Variants in TRPM6 observed in about 807,000 individuals in gnomAD.
The protein encoded by TRPM6 is transient receptor potential cation channel subfamily M member 6.
A neutral mutation model predicts 247.6 loss-of-function variants in TRPM6; 111 were observed. The ratio of observed to expected loss-of-function variants is 0.45; its 90% confidence interval spans 0.38 to 0.52. The LOEUF (loss-of-function observed/expected upper bound fraction) is 0.52. Among genes scored for constraint, TRPM6 ranks in the 20% least tolerant of loss-of-function variants. TRPM6 has a pLI of 0.00. For synonymous variants in TRPM6, 892 were observed against 853.8 expected (o/e 1.04, Z -0.78); for missense variants, 2,126 against 2,421.5 (o/e 0.88, Z 2.56).
At chr9:74,842,023 A>T (rs1381570110) in intron 4 of TRPM6, 143 bp downstream of exon 4, 2 of 858,902 alleles carry the variant, frequency 2.3e-6, no homozygotes, top group Admixed American at 2.2e-5. Flanking sequence ...AGGCAGGAGA[A>T]TCACTTGAAC....
chr9:74,809,122 C>T (rs1474541805), intron 13 of TRPM6, among the ~76,000 whole-genome samples: 3 of 152,068 alleles, frequency 2.0e-5, no homozygotes, highest in Non-Finnish European at 4.4e-5. Flanking sequence ...AGAGATATTG[C>T]GGGTTCAGTT....
At chr9:74,852,427 C>T (rs1830355321) in intron 3 of TRPM6, among the ~76,000 whole-genome samples, 1 of 148,488 alleles carries the variant, frequency 6.7e-6, no homozygotes, top group African/African-American at 2.5e-5. Context: ...GCTCCCTCTC[C>T]CGCTCCCTCT....
chr9:74,788,237 G>A (rs1230519164), intron 20 of TRPM6, among the ~76,000 whole-genome samples: 1 of 151,940 alleles, frequency 6.6e-6, no homozygotes, highest in African/African-American at 2.4e-5. Flanking sequence ...ATAATGCTAG[G>A]CAACAAAAAT....
intron 36 of TRPM6, 66 bp from the exon 37 acceptor site, chr9:74,732,802 T>A: frequency 8.4e-7 from 1 of 1,190,886 alleles, no homozygotes; most frequent in Non-Finnish European, 1.2e-6. Context: ...TTCAAGAAAA[T>A]AATAATTAAA....
chr9:74,816,955 A>G lies in TRPM6; in HGVS notation c.1144T>C (p.Phe382Leu). ...TGCTGCTCTTCAGAGTCAGCATCAA[A>G]TATGGTAATCTACAACAGTGAAAAA... ...CMVHRDCITI[F>L]DADSEEQQDL... Residue 382 changes from phenylalanine (F) to leucine (L), a missense_variant, in exon 10 of 39, where the codon TTT (phenylalanine) becomes CTT (leucine). Coordinates refer to ENST00000360774, the MANE Select transcript of TRPM6 (RefSeq NM_017662.5). 4 of 1,614,022 alleles carry G rather than the reference A, an allele frequency of 2.5e-6. No homozygotes were observed. The highest frequency in any genetic ancestry group is 3.4e-6 in the Non-Finnish European group (4 of 1,179,914).
intron 36 of TRPM6, 138 bp from the exon 37 acceptor site, chr9:74,732,874 T>C: frequency 1.4e-6 from 1 of 731,624 alleles, no homozygotes; most frequent in Non-Finnish European, 2.3e-6. Context: ...CATGAGCCCA[T>C]ACTTCACCAC....
At chr9:74,795,432 G>C (rs1180571998) in intron 18 of TRPM6, among the ~76,000 whole-genome samples, 1 of 152,140 alleles carries the variant, frequency 6.6e-6, no homozygotes, top group Non-Finnish European at 1.5e-5. Context: ...ATTCCTACAA[G>C]TACTCCCAGC....
In TRPM6 at chr9:74,816,675, GTGT is replaced by G. The variant is rs1174261409; in HGVS notation, c.1299_1301del (p.Gln433del). On this transcript the variant is annotated inframe_deletion, in exon 11 of 39. Coordinates refer to ENST00000360774, the MANE Select transcript of TRPM6 (RefSeq NM_017662.5). ...AACTTCATTTTCACTATACCTTCCA[GTGT>G]TGTTCATAAATTAGGATATGTTTCT... is the stretch of plus-strand genomic sequence containing the variant. 1 of 1,612,856 alleles carries G rather than the reference GTGT, an allele frequency of 6.2e-7. No individual in the cohort carries two copies. Among genetic ancestry groups the G allele is most frequent in the Non-Finnish European group, 8.5e-7 (1 of 1,179,092 alleles).
intron 25 of TRPM6, 130 bp downstream of exon 25, chr9:74,771,573 T>C: frequency 1.2e-6 from 1 of 823,364 alleles, no homozygotes; most frequent in Non-Finnish European, 2.0e-6. Context: ...ATATTATATG[T>C]TGTTAAATGT....
chr9:74,730,752 C>T (rs989971851), intron 37 of TRPM6, among the ~76,000 whole-genome samples: 6 of 152,106 alleles, frequency 3.9e-5, no homozygotes, highest in South Asian at 2.1e-4. Flanking sequence ...GTAAGGCATT[C>T]GAAATGTGAG....
chr9:74,757,636 G>A (rs561445928), intron 27 of TRPM6, among the ~76,000 whole-genome samples: 5 of 151,946 alleles, frequency 3.3e-5, no homozygotes, highest in African/African-American at 9.6e-5. Flanking sequence ...CAGGCCAGCC[G>A]GGCATGGTGG....
chr9:74,762,813 C>T lies in TRPM6; in HGVS notation c.3858G>A (p.Leu1286=). The T allele has an allele frequency of 6.2e-7, 1 of 1,614,186 alleles. No homozygotes were observed. The highest frequency in any genetic ancestry group is 8.5e-7 in the Non-Finnish European group (1 of 1,180,044). Residue 1286 remains leucine (L), a synonymous_variant, in exon 26 of 39, where the codon CTG becomes CTA. Transcript: ENST00000360774. ...CTCTTGGGGGATGCCGGCCTCCAGC[C>T]AGGCTCCTCAGCAAAGAAGAGGGCA... The part of the protein sequence containing the change: ...YSMPSSLLRS[L]AGGRHPPRVQ...
intron 17 of TRPM6, among the ~76,000 whole-genome samples, chr9:74,799,732 T>C (rs2118996490): frequency 6.6e-6 from 1 of 152,374 alleles, no homozygotes; most frequent in African/African-American, 2.4e-5. Context: ...CATGTTTGTC[T>C]ATGCTTTTAA....
At chr9:74,856,451 GTGTGTGTGTGTGTGTC>G (rs1382252114) in intron 2 of TRPM6, among the ~76,000 whole-genome samples, 1 of 110,778 alleles carries the variant, frequency 9.0e-6, no homozygotes, top group Non-Finnish European at 1.7e-5. Context: ...AAATATGTGT[GTGTGTGTGTGTGTGTC>G]TGTGTGTGTG....
chr9:74,818,115 C>T lies in TRPM6; in HGVS notation c.1135-1151G>A, dbSNP rs550291405. 1.1e-4 allele frequency among the ~76,000 whole-genome samples: 17 copies of T among 152,170 alleles called. No individual in the cohort carries two copies. The East Asian group carries it at 3.1e-3, about 28-fold the overall frequency. On this transcript the variant is annotated intron_variant, in intron 9 of 38. Coordinates refer to ENST00000360774, the MANE Select transcript of TRPM6 (RefSeq NM_017662.5). ...AAGCCCTTTGCTGCCTTCTCTTGAC[C>T]CTCTTGGTCATTACATTGCTTATTA...
chr9:74,826,972 A>T (rs1217284677), intron 7 of TRPM6: 1 of 152,164 alleles, frequency 6.6e-6, no homozygotes, highest in Non-Finnish European at 1.5e-5. Flanking sequence ...TCCTGACTTC[A>T]GGTGATCCAC....
At chr9:74,884,594 A>T (rs1463444253) in intron 1 of TRPM6, among the ~76,000 whole-genome samples, 1 of 152,136 alleles carries the variant, frequency 6.6e-6, no homozygotes, top group Non-Finnish European at 1.5e-5. Context: ...CAGTTTGATT[A>T]CCTCTGGGTC....
intron 1 of TRPM6, 87 bp downstream of exon 1, chr9:74,887,737 C>T (rs550509163): frequency 1.2e-6 from 2 of 1,613,644 alleles, no homozygotes; most frequent in Non-Finnish European, 1.7e-6. Flanking sequence ...TCCCTGGCCC[C>T]ACCCACTTCT....
At chr9:74,727,899 C>A (rs514209) in intron 38 of TRPM6, among the ~76,000 whole-genome samples, 3 of 151,852 alleles carry the variant, frequency 2.0e-5, no homozygotes, top group Admixed American at 6.6e-5. Context: ...TGTGGCCATC[C>A]GCAGCTGGCA....
Sources: allele counts gnomAD v4.1 joint callset (sites outside exome capture counted in the v4.1 genomes callset), GRCh38; gene constraint gnomAD v4.1.1; transcripts MANE v1.5; gene names NCBI Gene and HGNC (gene_info 2026-07-23, HGNC 2026-07-21).